PHLPP1: variants seen among roughly 807,000 people sequenced by gnomAD.
The protein encoded by PHLPP1 is PH domain and leucine rich repeat protein phosphatase 1, also known as PH domain leucine-rich repeat-containing protein phosphatase 1.
Under a neutral mutation model 117.2 loss-of-function variants are expected in PHLPP1, and 42 were observed. That is an observed-to-expected ratio of 0.36 (90% CI 0.28 to 0.46). The LOEUF is 0.46. Among genes scored for constraint, PHLPP1 ranks in the 20% least tolerant of loss-of-function variants. The probability of loss-of-function intolerance (pLI) is 1.00; values close to 1 mark genes in which losing one functional copy is unlikely to be tolerated. For synonymous variants in PHLPP1, 1,042 were observed against 970.7 expected (o/e 1.07, Z -1.37); for missense variants, 2,084 against 2,241.9 (o/e 0.93, Z 1.42).
intron 1 of PHLPP1, among the ~76,000 whole-genome samples, chr18:62,768,407 C>T (rs1912627951): frequency 6.6e-6 from 1 of 152,016 alleles, no homozygotes; most frequent in South Asian, 2.1e-4. Context: ...GAAAACAGCT[C>T]AACAGTGATA....
intron 12 of PHLPP1, among the ~76,000 whole-genome samples, chr18:62,951,737 C>G (rs866020071): frequency 2.6e-5 from 4 of 151,706 alleles, no homozygotes; most frequent in Non-Finnish European, 4.4e-5. Context: ...AAAACTAAAG[C>G]CCCCAGATGC....
intron 2 of PHLPP1, chr18:62,837,677 G>GCT (rs1568133302): frequency 7.0e-6 from 1 of 142,364 alleles, no homozygotes; most frequent in East Asian, 2.0e-4. Flanking sequence ...TTCCTTCCAA[G>GCT]TTTTTTTTTT....
intron 10 of PHLPP1, among the ~76,000 whole-genome samples, chr18:62,933,913 G>A (rs35036926): frequency 0.046 from 6,947 of 152,130 alleles, 251 homozygotes; most frequent in Non-Finnish European, 0.069. Context: ...TAAAAAGTGA[G>A]CAAAGGACAT....
At chr18:62,845,832 G>A (rs891894427) in intron 3 of PHLPP1, among the ~76,000 whole-genome samples, 2 of 152,132 alleles carry the variant, frequency 1.3e-5, no homozygotes, top group African/African-American at 4.8e-5. Flanking sequence ...GGCTTTTCTG[G>A]AAACCCTCAA....
chr18:62,731,684 G>T (rs1383826502), intron 1 of PHLPP1, among the ~76,000 whole-genome samples: 2 of 152,202 alleles, frequency 1.3e-5, no homozygotes, highest in East Asian at 3.8e-4. Flanking sequence ...AAGGCCAAAA[G>T]CTAGTTCTCC....
At chr18:62,934,645 T>G (rs1041427622) in intron 10 of PHLPP1, among the ~76,000 whole-genome samples, 12 of 152,186 alleles carry the variant, frequency 7.9e-5, no homozygotes, top group African/African-American at 2.9e-4. Context: ...GGGTGATGCC[T>G]AAATGCCAGC....
chr18:62,942,338 TAGTG>T (rs1401419242), intron 11 of PHLPP1, among the ~76,000 whole-genome samples: 1 of 152,122 alleles, frequency 6.6e-6, no homozygotes, highest in Admixed American at 6.5e-5. Context: ...CTGGGCAACA[TAGTG>T]AGACCCTATC....
At chr18:62,881,779 A>G (rs1916179739) in intron 4 of PHLPP1, among the ~76,000 whole-genome samples, 1 of 152,224 alleles carries the variant, frequency 6.6e-6, no homozygotes, top group Non-Finnish European at 1.5e-5. Context: ...TTTAGAAGTC[A>G]TATAGGGACG....
chr18:62,801,406 G>A lies in PHLPP1; in HGVS notation c.1577-28629G>A, dbSNP rs1297044582. Among the ~76,000 whole-genome samples the A allele has an allele frequency of 5.3e-5, 8 of 151,974 alleles. No individual in the cohort carries two copies. In the East Asian group the frequency reaches 1.6e-3, roughly 29 times the overall value. On this transcript the variant is annotated intron_variant, in intron 1 of 16. Transcript: ENST00000262719. ...AATTGTGAATTTGCTGAGGTGACAT[G>A]TTTTGCCTGGTAGGTTTGATGCTAA...
At chr18:62,939,184 G>C (rs1000247293) in intron 10 of PHLPP1, among the ~76,000 whole-genome samples, 2 of 151,550 alleles carry the variant, frequency 1.3e-5, no homozygotes, top group African/African-American at 4.8e-5. Flanking sequence ...AGAGGAGGGG[G>C]GTTTCACCAT....
intron 1 of PHLPP1, among the ~76,000 whole-genome samples, chr18:62,799,047 C>T (rs918586963): frequency 1.3e-5 from 2 of 152,150 alleles, no homozygotes; most frequent in African/African-American, 2.4e-5. Context: ...TTGAATTTCC[C>T]ATCCTTCCTC....
intron 14 of PHLPP1, among the ~76,000 whole-genome samples, chr18:62,970,601 C>T (rs1397075990): frequency 6.6e-6 from 1 of 151,998 alleles, no homozygotes; most frequent in Admixed American, 6.6e-5. Context: ...GCTGTCTCTA[C>T]AGAAAATACA....
chr18:62,940,522 A>G (rs112595485), intron 10 of PHLPP1, among the ~76,000 whole-genome samples: 1 of 149,684 alleles, frequency 6.7e-6, no homozygotes, highest in Non-Finnish European at 1.5e-5. Context: ...CCGCCACCAC[A>G]CCCGGCTAAT....
intron 1 of PHLPP1, among the ~76,000 whole-genome samples, chr18:62,823,570 T>C (rs1914526076): frequency 7.5e-6 from 1 of 132,546 alleles, no homozygotes; most frequent in Non-Finnish European, 1.6e-5. Context: ...CAAATATATA[T>C]ATCTATATAT....
intron 3 of PHLPP1, among the ~76,000 whole-genome samples, chr18:62,841,047 C>G (rs145707473): frequency 9.9e-5 from 15 of 152,066 alleles, no homozygotes; most frequent in African/African-American, 1.7e-4. Flanking sequence ...GTGCACATGC[C>G]TGGCTAATTT....
chr18:62,721,429 GGTGTGT>G (rs71340107), intron 1 of PHLPP1, among the ~76,000 whole-genome samples: 22 of 144,396 alleles, frequency 1.5e-4, no homozygotes, highest in Admixed American at 2.8e-4. Flanking sequence ...GAGGGGTGTG[GGTGTGT>G]GTGTGTGTGT....
intron 10 of PHLPP1, among the ~76,000 whole-genome samples, chr18:62,933,271 A>G (rs1909871577): frequency 6.6e-6 from 1 of 152,242 alleles, no homozygotes; most frequent in East Asian, 1.9e-4. Flanking sequence ...TATAAAATTC[A>G]TGTGGAAACA....
chr18:62,944,735 T>C (rs1020220459), intron 11 of PHLPP1, among the ~76,000 whole-genome samples: 9 of 152,200 alleles, frequency 5.9e-5, no homozygotes, highest in African/African-American at 2.2e-4. Context: ...CTCTCTGAGC[T>C]CTTTTAAGGC....
At chr18:62,790,568 C>T (rs1321669853) in intron 1 of PHLPP1, among the ~76,000 whole-genome samples, 1 of 151,976 alleles carries the variant, frequency 6.6e-6, no homozygotes, top group Admixed American at 6.5e-5. Context: ...CACATGACTC[C>T]CAAGTTTAGG....
Sources: gnomAD v4.1 joint callset for allele counts (sites outside exome capture counted in the v4.1 genomes callset) on GRCh38, gnomAD v4.1.1 for gene constraint, MANE v1.5 for transcripts, NCBI Gene and HGNC (gene_info 2026-07-23, HGNC 2026-07-21) for gene names.